Variants in VPS13B observed in about 807,000 individuals in gnomAD.
VPS13B encodes the protein vacuolar protein sorting 13 homolog B, also known as intermembrane lipid transfer protein VPS13B.
Under a neutral mutation model 426.4 loss-of-function variants are expected in VPS13B, and 285 were observed. That is an observed-to-expected ratio of 0.67 (90% CI 0.61 to 0.74). VPS13B has a LOEUF of 0.74. Among genes scored for constraint, VPS13B ranks in the 30% least tolerant of loss-of-function variants. The pLI is 0.00. For synonymous variants in VPS13B, 1,676 were observed against 1,676.4 expected, an observed-to-expected ratio of 1.00 and a Z score of 0.01; for missense variants, 4,537 against 4,782.6, an observed-to-expected ratio of 0.95 and a Z score of 1.51.
rs761507636 is a variant in VPS13B, at chr8:99,871,572, A to G, written c.11620A>G (p.Ser3874Gly). 5.0e-6 allele frequency: 8 copies of G among 1,614,082 alleles called. No individual in the cohort carries two copies. The highest frequency in any genetic ancestry group is 6.8e-6 in the Non-Finnish European group (8 of 1,180,028). Residue 3874 changes from serine (S) to glycine (G), a missense_variant, in exon 61 of 62, where the codon AGT (serine) becomes GGT (glycine). Ser to Gly is a moderately conservative substitution (Grantham distance 56). Around this residue, in one of 2 missense-constraint regions of VPS13B, gnomAD observed 4,311 missense variants for 4,474.3 expected, o/e 0.96. Coordinates refer to ENST00000357162, the MANE Select transcript of VPS13B (RefSeq NM_152564.5). ...GACATCAGAAGTGCTCTTCGTGGTGAGTGTCAGTGAGGACACACAGCAGCA... is the reference window on the plus strand; with the variant it reads ...GACATCAGAAGTGCTCTTCGTGGTGGGTGTCAGTGAGGACACACAGCAGCA... ...LLTSEVLFVV[S>G]VSEDTQQQAF...
chr8:99,387,169 G>A (rs1224289493), intron 20 of VPS13B, among the ~76,000 whole-genome samples: 1 of 152,006 alleles, frequency 6.6e-6, no homozygotes, highest in Non-Finnish European at 1.5e-5. Flanking sequence ...GACTTTTGTT[G>A]TATCACCAAA....
intron 17 of VPS13B, among the ~76,000 whole-genome samples, chr8:99,265,639 C>A (rs1818254936): frequency 6.6e-6 from 1 of 152,084 alleles, no homozygotes; most frequent in African/African-American, 2.4e-5. Flanking sequence ...AGGAGAGGAT[C>A]CTACATGGAT....
At chr8:99,517,331 T>A (rs1822137702) in intron 29 of VPS13B, among the ~76,000 whole-genome samples, 1 of 152,218 alleles carries the variant, frequency 6.6e-6, no homozygotes, top group East Asian at 1.9e-4. Context: ...TGATACAAAC[T>A]CCTGATTTCA....
At chr8:99,333,726 T>C (rs1303626141) in intron 19 of VPS13B, among the ~76,000 whole-genome samples, 2 of 151,966 alleles carry the variant, frequency 1.3e-5, no homozygotes, top group Non-Finnish European at 2.9e-5. Flanking sequence ...AATATCTCTA[T>C]GTCTCCAATT....
chr8:99,634,815 G>T (rs77919260), intron 33 of VPS13B, among the ~76,000 whole-genome samples: 3,163 of 151,834 alleles, frequency 0.021, 116 homozygotes, highest in African/African-American at 0.072. Context: ...TGTTTAATGT[G>T]CTTGCTAAGA....
intron 21 of VPS13B, among the ~76,000 whole-genome samples, chr8:99,425,746 A>G (rs1346403347): frequency 6.6e-6 from 1 of 152,168 alleles, no homozygotes; most frequent in Non-Finnish European, 1.5e-5. Flanking sequence ...CAATTAGGAA[A>G]AGAGGAAGTC....
chr8:99,014,862 G>A (rs1408213224), intron 2 of VPS13B, among the ~76,000 whole-genome samples: 2 of 152,014 alleles, frequency 1.3e-5, no homozygotes, highest in Admixed American at 6.6e-5. Flanking sequence ...CAAAAGAACC[G>A]TAACTTCAAA....
At chr8:99,686,154 ATTC>A (rs1831389440) in intron 35 of VPS13B, among the ~76,000 whole-genome samples, 1 of 152,172 alleles carries the variant, frequency 6.6e-6, no homozygotes, top group South Asian at 2.1e-4. Flanking sequence ...ATCCAGAAGA[ATTC>A]TTTGGATTAC....
intron 43 of VPS13B, among the ~76,000 whole-genome samples, chr8:99,784,768 A>G (rs959103721): frequency 6.6e-6 from 1 of 152,152 alleles, no homozygotes; most frequent in African/African-American, 2.4e-5. Context: ...ACCTTGCTCT[A>G]CTTTCTGTTC....
At chr8:99,623,608 TTATTGAGGAGGTAA>T (rs1209485536) in intron 33 of VPS13B, among the ~76,000 whole-genome samples, 1 of 152,154 alleles carries the variant, frequency 6.6e-6, no homozygotes, top group Non-Finnish European at 1.5e-5. Flanking sequence ...AGTTACAGTT[TTATTGAGGAGGTAA>T]TATTATGCTG....
chr8:99,532,848 T>G (rs1822999744), intron 30 of VPS13B, among the ~76,000 whole-genome samples: 1 of 151,158 alleles, frequency 6.6e-6, no homozygotes. Flanking sequence ...CAGCAGAAAT[T>G]TACTGTTTTA....
intron 30 of VPS13B, among the ~76,000 whole-genome samples, chr8:99,525,472 G>A (rs937239406): frequency 8.5e-5 from 13 of 152,114 alleles, no homozygotes; most frequent in Admixed American, 7.2e-4. Context: ...CCAAAGCTAA[G>A]AACAGACCTA....
At chr8:99,464,968 T>G (rs1819035462) in intron 23 of VPS13B, among the ~76,000 whole-genome samples, 1 of 152,178 alleles carries the variant, frequency 6.6e-6, no homozygotes, top group Non-Finnish European at 1.5e-5. Flanking sequence ...TTTCTTATTC[T>G]TTAGACATTT....
intron 30 of VPS13B, among the ~76,000 whole-genome samples, chr8:99,544,325 CA>C (rs1823822624): frequency 6.6e-6 from 1 of 151,500 alleles, no homozygotes; most frequent in Non-Finnish European, 1.5e-5. Context: ...GGGTGGGGGT[CA>C]GGGGGAGGGA....
intron 14 of VPS13B, among the ~76,000 whole-genome samples, chr8:99,148,227 G>A (rs1157266681): frequency 6.6e-6 from 1 of 151,618 alleles, no homozygotes; most frequent in African/African-American, 2.4e-5. Flanking sequence ...AATTTGGCAC[G>A]GTGGCACATG....
chr8:99,688,172 T>C (rs1364573540), intron 35 of VPS13B, among the ~76,000 whole-genome samples: 3 of 151,364 alleles, frequency 2.0e-5, no homozygotes, highest in African/African-American at 4.9e-5. Context: ...AGCTTGTTCT[T>C]TTGTTTCTTA....
chr8:99,787,893 A>G (rs1244891777), intron 43 of VPS13B, among the ~76,000 whole-genome samples: 1 of 152,132 alleles, frequency 6.6e-6, no homozygotes. Flanking sequence ...TTTATGGGTT[A>G]TGCATTTTTT....
chr8:99,306,182 A>G (rs1820628854), intron 19 of VPS13B, among the ~76,000 whole-genome samples: 1 of 152,074 alleles, frequency 6.6e-6, no homozygotes, highest in Admixed American at 6.6e-5. Flanking sequence ...TGTCATTTAT[A>G]GGATAAGAGG....
At chr8:99,193,226 A>G (rs538590688) in intron 17 of VPS13B, among the ~76,000 whole-genome samples, 169 bp downstream of exon 17, 115 of 152,312 alleles carry the variant, frequency 7.6e-4, no homozygotes, top group African/African-American at 2.4e-3. Flanking sequence ...GAGTTAAGCC[A>G]TCCAGTTTTA....
Sources: allele counts gnomAD v4.1 joint callset (sites outside exome capture counted in the v4.1 genomes callset), GRCh38; gene constraint gnomAD v4.1.1; regional missense constraint gnomAD v4.1.1; transcripts MANE v1.5; gene names NCBI Gene and HGNC (gene_info 2026-07-23, HGNC 2026-07-21).